The following MTUS2 variants were observed in gnomAD, a reference collection of about 807,000 sequenced individuals.
MTUS2 encodes the protein microtubule-associated tumor suppressor candidate 2.
MTUS2 carries 40 observed loss-of-function variants against 114.1 expected under a neutral mutation model. The ratio of observed to expected loss-of-function variants is 0.35; its 90% confidence interval spans 0.27 to 0.46. The LOEUF is 0.46. Among genes scored for constraint, MTUS2 ranks in the 20% least tolerant of loss-of-function variants. The pLI, the probability that MTUS2 is intolerant of heterozygous loss-of-function variation, is 1.00. For missense variants in MTUS2, 1,679 were observed against 1,705.4 expected (o/e 0.98, Z 0.27); for synonymous variants, 688 against 672.0 (o/e 1.02, Z -0.37).
At chr13:29,437,129 AG>A (rs1182799016) in intron 8 of MTUS2, among the ~76,000 whole-genome samples, 1 of 152,196 alleles carries the variant, frequency 6.6e-6, no homozygotes, top group Non-Finnish European at 1.5e-5. Context: ...AACGTCCAGC[AG>A]GGGCCATGAC....
chr13:29,284,712 C>G (rs1460124276), intron 6 of MTUS2, among the ~76,000 whole-genome samples: 1 of 152,130 alleles, frequency 6.6e-6, no homozygotes, highest in Admixed American at 6.5e-5. Flanking sequence ...GGTGTTAGTA[C>G]TGTGATTCTG....
At chr13:29,166,869 C>A (rs1893336701) in intron 5 of MTUS2, among the ~76,000 whole-genome samples, 1 of 152,120 alleles carries the variant, frequency 6.6e-6, no homozygotes, top group Non-Finnish European at 1.5e-5. Flanking sequence ...CTCAATTGAT[C>A]ATGTTTTTAA....
chr13:29,269,741 C>T (rs1169043393), intron 5 of MTUS2, among the ~76,000 whole-genome samples: 1 of 152,062 alleles, frequency 6.6e-6, no homozygotes, highest in Admixed American at 6.5e-5. Flanking sequence ...ATCGGGGTCT[C>T]AAAGAGATAT....
chr13:29,141,699 G>A (rs1216789788), intron 5 of MTUS2, among the ~76,000 whole-genome samples: 1 of 152,198 alleles, frequency 6.6e-6, no homozygotes, highest in Non-Finnish European at 1.5e-5. Context: ...AATGAGTCAA[G>A]ATGGGATAAA....
intron 2 of MTUS2, among the ~76,000 whole-genome samples, chr13:28,882,366 G>A (rs1421078356): frequency 1.3e-5 from 2 of 152,104 alleles, no homozygotes; most frequent in African/African-American, 4.8e-5. Flanking sequence ...TTTCAAAATT[G>A]ATCATAGACC....
At chr13:29,491,542 G>GTAGGT in intron 11 of MTUS2, among the ~76,000 whole-genome samples, 1 of 130,942 alleles carries the variant, frequency 7.6e-6, no homozygotes, top group South Asian at 2.5e-4. Flanking sequence ...TATGTGTGGG[G>GTAGGT]GTGTGTGTGT....
At chr13:28,978,928 A>G (rs754222436) in intron 2 of MTUS2, among the ~76,000 whole-genome samples, 1 of 152,150 alleles carries the variant, frequency 6.6e-6, no homozygotes, top group African/African-American at 2.4e-5. Flanking sequence ...CTACCGCTCC[A>G]TTTCACTCAA....
At chr13:28,912,367 T>C (rs1184975453) in intron 2 of MTUS2, among the ~76,000 whole-genome samples, 2 of 152,216 alleles carry the variant, frequency 1.3e-5, no homozygotes, top group African/African-American at 2.4e-5. Context: ...TCCATTGATC[T>C]ATGTATCTAT....
intron 4 of MTUS2, among the ~76,000 whole-genome samples, chr13:29,047,761 T>C (rs1480710166): frequency 2.0e-5 from 3 of 152,122 alleles, no homozygotes; most frequent in South Asian, 4.1e-4. Flanking sequence ...GCGCCCACCT[T>C]GGCCTCCCAA....
chr13:29,422,287 G>A (rs974069693), intron 8 of MTUS2, among the ~76,000 whole-genome samples: 40 of 152,292 alleles, frequency 2.6e-4, no homozygotes, highest in African/African-American at 9.1e-4. Flanking sequence ...CACCTGACAG[G>A]CTGTGCAACC....
In MTUS2 at chr13:29,025,383, T is replaced by C; in HGVS notation, c.685T>C (p.Phe229Leu). The change falls in exon 3 of 16, where the codon TTC becomes CTC. Residue 229 changes from phenylalanine to leucine, a missense_variant. Transcript: ENST00000612955. Reference protein sequence around the residue: ...TLPDHAVPAAFPATDSTSEGK... With the variant: ...TLPDHAVPAALPATDSTSEGK... The stretch of plus-strand genomic sequence containing the variant: ...GCCAGACCACGCTGTCCCGGCAGCT[T>C]TCCCTGCAACTGACAGTACCTCAGA... 6.2e-7 allele frequency: 1 copy of C among 1,613,852 alleles called. No individual in the cohort carries two copies. The highest frequency in any genetic ancestry group is 1.1e-5 in the South Asian group (1 of 91,072).
intron 2 of MTUS2, among the ~76,000 whole-genome samples, chr13:28,899,934 C>A (rs754013378): frequency 6.6e-6 from 1 of 152,100 alleles, no homozygotes; most frequent in Non-Finnish European, 1.5e-5. Flanking sequence ...ATCACCCAGG[C>A]TGGAGTGCAA....
At chr13:29,448,322 C>T (rs1484726397) in intron 9 of MTUS2, among the ~76,000 whole-genome samples, 3 of 152,200 alleles carry the variant, frequency 2.0e-5, no homozygotes, top group South Asian at 2.1e-4. Context: ...CAGCAAAACA[C>T]CTGTCACGCT....
At chr13:28,899,205 C>T (rs1218768036) in intron 2 of MTUS2, among the ~76,000 whole-genome samples, 2 of 152,166 alleles carry the variant, frequency 1.3e-5, no homozygotes, top group Non-Finnish European at 2.9e-5. Flanking sequence ...AGTAAAATAT[C>T]ACAATGTTAA....
intron 8 of MTUS2, among the ~76,000 whole-genome samples, chr13:29,360,688 A>AAC (rs1870153205): frequency 1.8e-4 from 16 of 87,150 alleles, no homozygotes; most frequent in East Asian, 3.9e-4. Context: ...GTAGCCGAAC[A>AAC]CCCCCCCCCC....
At chr13:28,832,386 G>A (rs1454228879) in intron 1 of MTUS2, among the ~76,000 whole-genome samples, 1 of 152,060 alleles carries the variant, frequency 6.6e-6, no homozygotes, top group Non-Finnish European at 1.5e-5. Context: ...TACAGAAAAT[G>A]TGGAAATTAA....
chr13:29,032,772 C>T (rs1749043864), intron 3 of MTUS2, among the ~76,000 whole-genome samples: 1 of 152,098 alleles, frequency 6.6e-6, no homozygotes, highest in Non-Finnish European at 1.5e-5. Flanking sequence ...GCTTTTATAG[C>T]CCCCATTAAA....
chr13:29,487,599 G>A (rs751300985), intron 10 of MTUS2: 53 of 398,670 alleles, frequency 1.3e-4, no homozygotes, highest in Admixed American at 7.8e-4. Flanking sequence ...CGGTGCAAGC[G>A]CGTGGACAAG....
At chr13:28,905,926 T>A (rs1000221419) in intron 2 of MTUS2, among the ~76,000 whole-genome samples, 1 of 151,648 alleles carries the variant, frequency 6.6e-6, no homozygotes, top group African/African-American at 2.4e-5. Flanking sequence ...TTGCCACAAT[T>A]TCAGAGCCTG....
Sources: allele counts gnomAD v4.1 joint callset (sites outside exome capture counted in the v4.1 genomes callset), GRCh38; gene constraint gnomAD v4.1.1; transcripts MANE v1.5; gene names NCBI Gene and HGNC (gene_info 2026-07-23, HGNC 2026-07-21).